The following GRIP1 variants were observed in gnomAD, a reference collection of about 807,000 sequenced individuals.
The protein encoded by GRIP1 is glutamate receptor interacting protein 1, also known as glutamate receptor-interacting protein 1.
In GRIP1, 45 loss-of-function variants were observed where a neutral mutation model predicts 129.9. The observed-to-expected ratio is 0.35, with a 90% CI of 0.27 to 0.44. The LOEUF is 0.44. GRIP1 is among the 20% of genes least tolerant of loss of function. GRIP1 has a pLI of 1.00. For synonymous variants in GRIP1, 530 were observed against 520.8 expected, an observed-to-expected ratio of 1.02 and a Z score of -0.24; for missense variants, 1,196 against 1,396.8, an observed-to-expected ratio of 0.86 and a Z score of 2.29.
At chr12:66,588,423 T>C (rs1190013007) in intron 2 of GRIP1, among the ~76,000 whole-genome samples, 1 of 152,122 alleles carries the variant, frequency 6.6e-6, no homozygotes, top group African/African-American at 2.4e-5. Flanking sequence ...AGTCTGTGAC[T>C]TGGATGGACA....
intron 1 of GRIP1, among the ~76,000 whole-genome samples, chr12:67,030,766 T>A (rs1180566667): frequency 6.6e-6 from 1 of 152,178 alleles, no homozygotes; most frequent in African/African-American, 2.4e-5. Context: ...CCAAAAACAT[T>A]CTCTTTAGCC....
chr12:66,633,795 A>G (rs1250848106), intron 1 of GRIP1, among the ~76,000 whole-genome samples: 1 of 152,168 alleles, frequency 6.6e-6, no homozygotes, highest in Non-Finnish European at 1.5e-5. Context: ...AGCCTAAGCA[A>G]TTTCTGGCTT....
At position 66,515,713 on chromosome 12, in the gene GRIP1, C is replaced by T; in HGVS notation, c.630G>A (p.Arg210=). The T allele has an allele frequency of 1.2e-6, 2 of 1,613,592 alleles. No homozygotes were observed. The highest frequency in any genetic ancestry group is 1.7e-6 in the Non-Finnish European group (2 of 1,179,574). The change falls in exon 7 of 25, where the codon CGG becomes CGA. Residue 210 remains arginine, a synonymous_variant. Transcript: ENST00000359742. ...GDRLLSVDGI[R]LLGTTHAEAM... ...CTTCAGCATGCGTAGTTCCAAGAAG[C>T]CGAATTCCATCCACACTGAGCAACC...
intron 13 of GRIP1, among the ~76,000 whole-genome samples, chr12:66,438,372 G>A (rs2058372675): frequency 6.6e-6 from 1 of 152,132 alleles, no homozygotes; most frequent in Non-Finnish European, 1.5e-5. Flanking sequence ...AAGCAGCACT[G>A]ACAGACCAGG....
chr12:67,002,727 A>G (rs566453920), intron 1 of GRIP1, among the ~76,000 whole-genome samples: 5 of 152,264 alleles, frequency 3.3e-5, no homozygotes, highest in African/African-American at 1.2e-4. Context: ...GTAGAATTAC[A>G]CCATGGTTTT....
intron 1 of GRIP1, among the ~76,000 whole-genome samples, chr12:66,863,675 TAGGAA>T (rs1156281595): frequency 2.0e-5 from 3 of 151,896 alleles, no homozygotes; most frequent in Admixed American, 6.6e-5. Context: ...ATAAAAATGA[TAGGAA>T]AGGAGAGCAG....
intron 1 of GRIP1, among the ~76,000 whole-genome samples, chr12:67,000,328 A>G (rs139227768): frequency 6.6e-6 from 1 of 152,302 alleles, no homozygotes; most frequent in East Asian, 1.9e-4. Context: ...GAAACAGATC[A>G]TGTTAAGATT....
chr12:66,639,734 G>C (rs775962082), intron 1 of GRIP1, among the ~76,000 whole-genome samples: 1 of 152,108 alleles, frequency 6.6e-6, no homozygotes, highest in Non-Finnish European at 1.5e-5. Flanking sequence ...GATAAAAGTT[G>C]TAAAAAACAT....
intron 2 of GRIP1, among the ~76,000 whole-genome samples, chr12:66,585,293 C>A (rs1376711630): frequency 7.6e-6 from 1 of 130,992 alleles, no homozygotes; most frequent in South Asian, 2.6e-4. Flanking sequence ...TGATATTCCC[C>A]TTCCTGTGTC....
chr12:66,489,291 T>G (rs1460029308), intron 7 of GRIP1, among the ~76,000 whole-genome samples: 1 of 152,194 alleles, frequency 6.6e-6, no homozygotes, highest in Non-Finnish European at 1.5e-5. Context: ...TCAAGTTGGC[T>G]TCATCCCTGA....
chr12:66,885,074 T>C (rs2040542603), intron 1 of GRIP1, among the ~76,000 whole-genome samples: 1 of 152,154 alleles, frequency 6.6e-6, no homozygotes, highest in Non-Finnish European at 1.5e-5. Flanking sequence ...GAATTGACTA[T>C]CCATTTCTCC....
chr12:66,861,446 G>A (rs2040110264), intron 1 of GRIP1, among the ~76,000 whole-genome samples: 1 of 152,082 alleles, frequency 6.6e-6, no homozygotes, highest in African/African-American at 2.4e-5. Flanking sequence ...ACAAACGAAG[G>A]CAACTTACAC....
chr12:66,504,594 T>C (rs1374897843), intron 7 of GRIP1, among the ~76,000 whole-genome samples: 1 of 152,132 alleles, frequency 6.6e-6, no homozygotes, highest in East Asian at 1.9e-4. Flanking sequence ...GCCTCAACAA[T>C]CTTCAAACTG....
At chr12:67,047,244 C>T (rs901242342) in intron 1 of GRIP1, among the ~76,000 whole-genome samples, 1 of 152,098 alleles carries the variant, frequency 6.6e-6, no homozygotes, top group African/African-American at 2.4e-5. Flanking sequence ...ATTTTGCAAA[C>T]ATATAGTAAA....
chr12:66,694,327 CTTT>C (rs1053196566), intron 1 of GRIP1, among the ~76,000 whole-genome samples: 1 of 152,096 alleles, frequency 6.6e-6, no homozygotes, highest in Non-Finnish European at 1.5e-5. Context: ...TTTTAAAAAA[CTTT>C]TTTATTTTGA....
intron 1 of GRIP1, among the ~76,000 whole-genome samples, chr12:66,985,285 A>C (rs1243567798): frequency 6.6e-6 from 1 of 150,810 alleles, no homozygotes; most frequent in Non-Finnish European, 1.5e-5. Flanking sequence ...TAAGAATGTC[A>C]ATTTATATTG....
chr12:66,761,069 G>A (rs1376180049), intron 1 of GRIP1, among the ~76,000 whole-genome samples: 3 of 151,866 alleles, frequency 2.0e-5, no homozygotes, highest in Non-Finnish European at 4.4e-5. Context: ...CTGCTTTCTT[G>A]CCTTTGTACA....
chr12:66,784,877 G>A (rs1481134243), intron 1 of GRIP1, among the ~76,000 whole-genome samples: 2 of 152,046 alleles, frequency 1.3e-5, no homozygotes, highest in Non-Finnish European at 2.9e-5. Flanking sequence ...CCTTTCATAT[G>A]TCTAGTCATT....
At chr12:66,357,881 A>G (rs545963726) in intron 23 of GRIP1, among the ~76,000 whole-genome samples, 83 of 152,048 alleles carry the variant, frequency 5.5e-4, no homozygotes, top group Non-Finnish European at 1.1e-3. Context: ...ATAAATTTTG[A>G]TATATTCAAT....
Sources: gnomAD v4.1 joint callset for allele counts (sites outside exome capture counted in the v4.1 genomes callset) on GRCh38, gnomAD v4.1.1 for gene constraint, MANE v1.5 for transcripts, NCBI Gene and HGNC (gene_info 2026-07-23, HGNC 2026-07-21) for gene names.